CNNM4: variants seen among roughly 807,000 people sequenced by gnomAD.
CNNM4 encodes cyclin and CBS domain divalent metal cation transport mediator 4.
CNNM4 carries 32 observed loss-of-function variants against 53.7 expected under a neutral mutation model. The ratio of observed to expected loss-of-function variants is 0.60; its 90% confidence interval spans 0.45 to 0.80. The LOEUF is 0.80. Ranked by LOEUF, CNNM4 falls within the 30% of genes least tolerant of loss-of-function variation. The pLI is 0.00. For missense variants in CNNM4, 784 were observed against 1,022.0 expected (o/e 0.77, Z 3.17); for synonymous variants, 410 against 440.0 (o/e 0.93, Z 0.85).
At chr2:96,765,322 C>T (rs959585447) in intron 1 of CNNM4, among the ~76,000 whole-genome samples, 6 of 151,616 alleles carry the variant, frequency 4.0e-5, no homozygotes, top group African/African-American at 9.7e-5. Flanking sequence ...GACGGGGTTT[C>T]GCCATGTTGG....
At chr2:96,770,630 C>T (rs764497252) in intron 1 of CNNM4, among the ~76,000 whole-genome samples, 15 of 152,138 alleles carry the variant, frequency 9.9e-5, no homozygotes, top group Admixed American at 2.0e-4. Flanking sequence ...ACGGACTTGG[C>T]GGTGCGGATC....
rs200652793 is a variant in CNNM4 at position 96,775,067 on chromosome 2, A to AT, written c.1402+12674dup. Reference sequence around the variant, plus strand: ...CTAAAAAATGTACTGTCAGTTTTAGATTTTTTTTAGGTAAACTTTTTGTTG... The same window carrying AT: ...CTAAAAAATGTACTGTCAGTTTTAGATTTTTTTTTAGGTAAACTTTTTGTTG... On this transcript the variant is annotated intron_variant, in intron 1 of 6. Transcript: ENST00000377075. Among the ~76,000 whole-genome samples the AT allele has an allele frequency of 6.3e-3, 872 of 139,334 alleles. 3 individuals carry two copies. Among genetic ancestry groups the AT allele is most frequent in the African/African-American group, 0.021 (816 of 38,756 alleles). The allele number at this position is 139,334 out of a possible 152,430, so 91.4% of individuals were successfully genotyped here. A position where few individuals can be genotyped will look rare whatever the true frequency, so the allele number is the denominator to read the frequency against.
intron 1 of CNNM4, among the ~76,000 whole-genome samples, chr2:96,767,349 C>G (rs536442619): frequency 6.6e-6 from 1 of 152,136 alleles, no homozygotes; most frequent in Non-Finnish European, 1.5e-5. Context: ...TTGGCCCTTC[C>G]GCTTAAACCT....
chr2:96,787,091 A>G (rs2079022667), intron 1 of CNNM4, among the ~76,000 whole-genome samples: 1 of 152,206 alleles, frequency 6.6e-6, no homozygotes, highest in African/African-American at 2.4e-5. Context: ...GCCCTGCAAT[A>G]TTGTTACAAA....
chr2:96,778,453 G>C (rs893943883), intron 1 of CNNM4, among the ~76,000 whole-genome samples: 3 of 151,370 alleles, frequency 2.0e-5, no homozygotes, highest in Admixed American at 1.3e-4. Flanking sequence ...AGCTACTCCG[G>C]AGTCTGAGAC....
chr2:96,780,035 T>G (rs2078960171), intron 1 of CNNM4, among the ~76,000 whole-genome samples: 1 of 152,054 alleles, frequency 6.6e-6, no homozygotes, highest in Non-Finnish European at 1.5e-5. Context: ...CTCTTGACCT[T>G]GTAATCTGCC....
chr2:96,788,278 A>C (rs2079031357), intron 1 of CNNM4, among the ~76,000 whole-genome samples: 2 of 146,870 alleles, frequency 1.4e-5, no homozygotes, highest in African/African-American at 2.5e-5. Flanking sequence ...TTCTGGAGAC[A>C]GGGTCTCACT....
At chr2:96,780,468 C>T (rs2153346502) in intron 1 of CNNM4, among the ~76,000 whole-genome samples, 1 of 149,530 alleles carries the variant, frequency 6.7e-6, no homozygotes, top group South Asian at 2.1e-4. Flanking sequence ...CCGTGTTGTC[C>T]AGGCTGGTCT....
At chr2:96,795,536 C>T (rs1378159211) in intron 1 of CNNM4, among the ~76,000 whole-genome samples, 1 of 152,068 alleles carries the variant, frequency 6.6e-6, no homozygotes, top group Non-Finnish European at 1.5e-5. Flanking sequence ...TTACTTTAGT[C>T]ATGAGACCTC....
At chr2:96,784,025 A>G (rs72809850) in intron 1 of CNNM4, among the ~76,000 whole-genome samples, 1 of 152,190 alleles carries the variant, frequency 6.6e-6, no homozygotes, top group Non-Finnish European at 1.5e-5. Context: ...CAGGATTATA[A>G]GTGATCTTAG....
chr2:96,784,601 C>T (rs1367352600), intron 1 of CNNM4, among the ~76,000 whole-genome samples: 1 of 152,218 alleles, frequency 6.6e-6, no homozygotes, highest in Non-Finnish European at 1.5e-5. Context: ...TCCCCATCAT[C>T]AGTTTGTCAA....
intron 5 of CNNM4, among the ~76,000 whole-genome samples, chr2:96,805,418 G>GTTTTT (rs898761608): frequency 1.3e-4 from 10 of 76,134 alleles, no homozygotes; most frequent in African/African-American, 4.9e-4. Flanking sequence ...CTTCTTTTCA[G>GTTTTT]TTTTTTTTTT....
chr2:96,765,038 T>TTG (rs2078802869), intron 1 of CNNM4, among the ~76,000 whole-genome samples: 1 of 103,508 alleles, frequency 9.7e-6, no homozygotes, highest in Non-Finnish European at 1.9e-5. Context: ...TTTTTTTTTT[T>TTG]TTTTTTTTTT....
Position 96,811,378 on chromosome 2 carries a change from G to A in CNNM4, c.*1861G>A, listed in dbSNP as rs893087089. The A allele has an allele frequency of 5.9e-5, 9 of 152,280 alleles. No individual in the cohort carries two copies. The highest frequency in any genetic ancestry group is 5.2e-4 in the Admixed American group (8 of 15,274). The allele number at this position is 152,280 out of a possible 1,614,324, so 9.4% of individuals were successfully genotyped here. ...CTGCCAGGTAGAGCAAAAGACATTG[G>A]TGGGGGTATGTGAAGCAAAAGGGGC... On this transcript the variant is annotated 3_prime_UTR_variant, in exon 7 of 7. Transcript: ENST00000377075.
chr2:96,769,419 A>G (rs897937233), intron 1 of CNNM4, among the ~76,000 whole-genome samples: 2 of 144,000 alleles, frequency 1.4e-5, no homozygotes, highest in Admixed American at 1.4e-4. Context: ...AAATACAAAA[A>G]TTAGGCGTGG....
At chr2:96,805,443 A>ATTTTTTTTTT (rs1204144412) in intron 5 of CNNM4, among the ~76,000 whole-genome samples, 1 of 73,754 alleles carries the variant, frequency 1.4e-5, no homozygotes, top group Non-Finnish European at 2.9e-5. Context: ...TTTTTTTATT[A>ATTTTTTTTTT]TTTTTTTTTA....
intron 1 of CNNM4, among the ~76,000 whole-genome samples, chr2:96,767,781 T>C (rs1011765181): frequency 3.3e-5 from 5 of 152,144 alleles, no homozygotes; most frequent in African/African-American, 1.2e-4. Context: ...AATATTTTCA[T>C]TAAAAAAATC....
In CNNM4 at chr2:96,811,752, G is replaced by C. The variant is rs2079259993; in HGVS notation, c.*2235G>C. ...TTTGTGATTTATTTTGGCGTTATGA[G>C]TTTGACTCTCGGGGAGTTTTGTTGT... On this transcript the variant is annotated 3_prime_UTR_variant, in exon 7 of 7. Coordinates refer to ENST00000377075, the MANE Select transcript of CNNM4 (RefSeq NM_020184.4). 1 of 152,522 alleles carries C rather than the reference G, an allele frequency of 6.6e-6. No individual in the cohort carries two copies. Among genetic ancestry groups the C allele is most frequent in the Non-Finnish European group, 1.5e-5 (1 of 68,018 alleles). 9.4% of individuals were successfully genotyped at this position (152,522 alleles called of 1,614,324 possible). A position where few individuals can be genotyped will look rare whatever the true frequency, so the allele number is the denominator to read the frequency against.
chr2:96,783,890 A>C (rs940988635), intron 1 of CNNM4, among the ~76,000 whole-genome samples: 2 of 152,218 alleles, frequency 1.3e-5, no homozygotes, highest in African/African-American at 4.8e-5. Context: ...GAATGTAAAG[A>C]ATTTAAAAAG....
Sources: allele counts gnomAD v4.1 joint callset (sites outside exome capture counted in the v4.1 genomes callset), GRCh38; gene constraint gnomAD v4.1.1; transcripts MANE v1.5; gene names NCBI Gene and HGNC (gene_info 2026-07-23, HGNC 2026-07-21).